FILIP1: variants seen among roughly 807,000 people sequenced by gnomAD.
The protein encoded by FILIP1 is filamin-A-interacting protein 1.
FILIP1 carries 61 observed loss-of-function variants against 102.1 expected under a neutral mutation model. That is an observed-to-expected ratio of 0.60 (90% CI 0.49 to 0.74). The LOEUF is 0.74. Among genes scored for constraint, FILIP1 ranks in the 30% least tolerant of loss-of-function variants. The probability of loss-of-function intolerance (pLI) is 0.00; values close to 1 mark genes in which losing one functional copy is unlikely to be tolerated. For missense variants in FILIP1, 1,314 were observed against 1,441.2 expected (o/e 0.91, Z 1.43); for synonymous variants, 491 against 526.9 (o/e 0.93, Z 0.93).
At chr6:75,372,578 T>C (rs1268100117) in intron 2 of FILIP1, among the ~76,000 whole-genome samples, 1 of 135,880 alleles carries the variant, frequency 7.4e-6, no homozygotes, top group African/African-American at 2.8e-5. Context: ...GATACTACTT[T>C]ACACCCAACA....
intron 4 of FILIP1, chr6:75,320,081 G>A (rs1773597366): frequency 8.7e-6 from 2 of 230,018 alleles, no homozygotes; most frequent in South Asian, 9.3e-5. Flanking sequence ...TGCAATGGCT[G>A]TCCCAACTTA....
chr6:75,450,602 A>C (rs6937196), intron 1 of FILIP1, among the ~76,000 whole-genome samples: 104,034 of 149,984 alleles, frequency 0.69, 36,890 homozygotes, highest in African/African-American at 0.84. Flanking sequence ...TGAAATTATG[A>C]CACTGCACTC....
intron 2 of FILIP1, among the ~76,000 whole-genome samples, chr6:75,366,559 A>C (rs1775343500): frequency 6.6e-6 from 1 of 152,160 alleles, no homozygotes; most frequent in Admixed American, 6.5e-5. Flanking sequence ...ATGAAGTTGG[A>C]TCATAATAAC....
intron 2 of FILIP1, among the ~76,000 whole-genome samples, chr6:75,387,843 T>C (rs1336797127): frequency 6.6e-6 from 1 of 152,232 alleles, no homozygotes; most frequent in Non-Finnish European, 1.5e-5. Flanking sequence ...GCCTGTTCAC[T>C]CTGAGGATAG....
At chr6:75,340,720 G>C (rs902771110) in intron 4 of FILIP1, among the ~76,000 whole-genome samples, 1 of 151,748 alleles carries the variant, frequency 6.6e-6, no homozygotes, top group Non-Finnish European at 1.5e-5. Context: ...TTTTGAGGTG[G>C]AGTCTCACTT....
chr6:75,458,290 A>G lies in FILIP1; in HGVS notation c.-7+35124T>C, dbSNP rs548321927. ...CATTCTACAATACCTCCGACAGCAC[A>G]TCACAACAAAGAATATTCAGTCCAA... On this transcript the variant is annotated intron_variant, in intron 1 of 5. Coordinates refer to ENST00000237172, the MANE Select transcript of FILIP1 (RefSeq NM_015687.5). 2.6e-5 allele frequency: 4 copies of G among 152,340 alleles called. No individual in the cohort carries two copies. The East Asian group carries it at 7.7e-4, about 29-fold the overall frequency. 9.4% of individuals were successfully genotyped at this position (152,340 alleles called of 1,614,324 possible). A position where few individuals can be genotyped will look rare whatever the true frequency, so the allele number is the denominator to read the frequency against.
chr6:75,406,560 A>G (rs1168533834), intron 2 of FILIP1, among the ~76,000 whole-genome samples: 1 of 152,038 alleles, frequency 6.6e-6, no homozygotes, highest in Non-Finnish European at 1.5e-5. Flanking sequence ...TGTAATATCT[A>G]GTGCCTAAAA....
intron 1 of FILIP1, among the ~76,000 whole-genome samples, chr6:75,448,803 C>T (rs1366570036): frequency 6.6e-6 from 1 of 152,116 alleles, no homozygotes; most frequent in Admixed American, 6.6e-5. Context: ...TACCACCTTA[C>T]TCTAGCAAGA....
intron 2 of FILIP1, among the ~76,000 whole-genome samples, chr6:75,369,899 C>G (rs780686859): frequency 6.6e-6 from 1 of 152,190 alleles, no homozygotes; most frequent in African/African-American, 2.4e-5. Context: ...GACCCCAGCA[C>G]GATGATCCAC....
Position 75,410,259 on chromosome 6 carries a change from T to C in FILIP1, c.276+4438A>G, listed in dbSNP as rs1182932032. On this transcript the variant is annotated intron_variant, in intron 2 of 5. Coordinates refer to ENST00000237172, the MANE Select transcript of FILIP1 (RefSeq NM_015687.5). ...CATACATATCAAGCCAGATGACACA[T>C]AGGTCTAAGCTGAGAGTAACTTATC... 4.6e-5 allele frequency among the ~76,000 whole-genome samples: 7 copies of C among 152,100 alleles called. No individual in the cohort carries two copies. In the East Asian group the frequency reaches 9.6e-4, roughly 21 times the overall value.
intron 4 of FILIP1, among the ~76,000 whole-genome samples, chr6:75,343,295 A>C (rs1774475375): frequency 6.6e-6 from 1 of 152,254 alleles, no homozygotes; most frequent in Non-Finnish European, 1.5e-5. Context: ...TTGTTTAAGC[A>C]AAAGAGTCTA....
chr6:75,469,701 G>A (rs988116638), intron 1 of FILIP1, among the ~76,000 whole-genome samples: 1 of 151,934 alleles, frequency 6.6e-6, no homozygotes, highest in African/African-American at 2.4e-5. Flanking sequence ...TTAATTAAAA[G>A]AATAATGCAC....
chr6:75,417,782 T>C (rs961994983), intron 1 of FILIP1, among the ~76,000 whole-genome samples: 1 of 152,226 alleles, frequency 6.6e-6, no homozygotes, highest in African/African-American at 2.4e-5. Flanking sequence ...AAAACTAGAA[T>C]TTGAACTCAG....
At chr6:75,381,544 A>C (rs2149641732) in intron 2 of FILIP1, among the ~76,000 whole-genome samples, 1 of 152,214 alleles carries the variant, frequency 6.6e-6, no homozygotes, top group Admixed American at 6.5e-5. Context: ...TTTTTTTGAA[A>C]GAAAGTGCTA....
At chr6:75,458,078 A>G (rs527331091) in intron 1 of FILIP1, 20 of 152,324 alleles carry the variant, frequency 1.3e-4, no homozygotes, top group African/African-American at 4.6e-4. Context: ...TTTAGTATAA[A>G]TATGTCCAAT....
intron 2 of FILIP1, among the ~76,000 whole-genome samples, chr6:75,374,882 T>A (rs1441035521): frequency 2.0e-5 from 3 of 152,242 alleles, no homozygotes; most frequent in Non-Finnish European, 4.4e-5. Flanking sequence ...CTTTCTTAAT[T>A]TCCTGTGATT....
At chr6:75,479,247 T>C (rs1173635065) in intron 1 of FILIP1, among the ~76,000 whole-genome samples, 6 of 152,216 alleles carry the variant, frequency 3.9e-5, no homozygotes, top group African/African-American at 1.4e-4. Context: ...TCAAAAGCAC[T>C]GCATGTGTTT....
chr6:75,353,074 G>T (rs1434688061), intron 4 of FILIP1, among the ~76,000 whole-genome samples: 1 of 139,164 alleles, frequency 7.2e-6, no homozygotes, highest in Non-Finnish European at 1.6e-5. Flanking sequence ...GGGGAGGGGG[G>T]AGGGATAGTA....
chr6:75,381,727 A>G (rs1775911171), intron 2 of FILIP1, among the ~76,000 whole-genome samples: 1 of 152,162 alleles, frequency 6.6e-6, no homozygotes, highest in African/African-American at 2.4e-5. Flanking sequence ...TATGTAATAT[A>G]TTTTGCAGGA....
Sources: gnomAD v4.1 joint callset for allele counts (sites outside exome capture counted in the v4.1 genomes callset) on GRCh38, gnomAD v4.1.1 for gene constraint, MANE v1.5 for transcripts, NCBI Gene and HGNC (gene_info 2026-07-23, HGNC 2026-07-21) for gene names.